The following ROBO1 variants were observed in gnomAD, a reference collection of about 807,000 sequenced individuals.
ROBO1 encodes the protein roundabout homolog 1.
ROBO1 carries 149 observed loss-of-function variants against 195.9 expected under a neutral mutation model. That is an observed-to-expected ratio of 0.76 (90% CI 0.67 to 0.87). The LOEUF (loss-of-function observed/expected upper bound fraction) is 0.87. ROBO1 is among the 40% of genes least tolerant of loss of function. ROBO1 has a pLI of 0.00. For missense variants in ROBO1, 1,933 were observed against 2,068.3 expected, an observed-to-expected ratio of 0.93 and a Z score of 1.27; for synonymous variants, 816 against 733.2, an observed-to-expected ratio of 1.11 and a Z score of -1.82.
chr3:79,654,782 T>C (rs1946111747), intron 1 of ROBO1, among the ~76,000 whole-genome samples: 1 of 152,026 alleles, frequency 6.6e-6, no homozygotes, highest in Non-Finnish European at 1.5e-5. Flanking sequence ...CTCTCTATTA[T>C]CATTTTGATT....
chr3:78,684,593 T>C (rs938238475), intron 10 of ROBO1, among the ~76,000 whole-genome samples: 1 of 152,068 alleles, frequency 6.6e-6, no homozygotes, highest in Non-Finnish European at 1.5e-5. Context: ...GAAAATGTAA[T>C]TTGGGGAGAA....
chr3:79,348,224 A>T (rs578241768), intron 2 of ROBO1, among the ~76,000 whole-genome samples: 16 of 151,848 alleles, frequency 1.1e-4, no homozygotes, highest in Non-Finnish European at 1.8e-4. Flanking sequence ...AAAAAAAAAA[A>T]AAAAAAGTGA....
intron 2 of ROBO1, among the ~76,000 whole-genome samples, chr3:79,359,705 T>C (rs2035689618): frequency 1.3e-5 from 2 of 152,062 alleles, no homozygotes; most frequent in Non-Finnish European, 2.9e-5. Flanking sequence ...CTGTCCATTT[T>C]ATTAATCTGA....
chr3:79,706,641 T>G (rs1560117232), intron 1 of ROBO1, among the ~76,000 whole-genome samples: 1 of 152,034 alleles, frequency 6.6e-6, no homozygotes, highest in Non-Finnish European at 1.5e-5. Flanking sequence ...AAGTCTCATG[T>G]GATCTGATGG....
intron 3 of ROBO1, among the ~76,000 whole-genome samples, chr3:79,095,439 A>G (rs1168465299): frequency 6.6e-6 from 1 of 151,984 alleles, no homozygotes; most frequent in Non-Finnish European, 1.5e-5. Flanking sequence ...TCCATGTTTC[A>G]AAAAACTGAG....
At chr3:79,342,847 T>C (rs2034962800) in intron 2 of ROBO1, among the ~76,000 whole-genome samples, 1 of 152,188 alleles carries the variant, frequency 6.6e-6, no homozygotes, top group Non-Finnish European at 1.5e-5. Flanking sequence ...TGAACCTACA[T>C]TGCACATCGT....
chr3:79,402,805 A>C (rs2106794286), intron 2 of ROBO1, among the ~76,000 whole-genome samples: 1 of 152,086 alleles, frequency 6.6e-6, no homozygotes, highest in East Asian at 1.9e-4. Flanking sequence ...CTCCAAAATT[A>C]GATTTGGGGT....
intron 2 of ROBO1, among the ~76,000 whole-genome samples, chr3:79,432,431 CCAAA>C (rs1397807106): frequency 6.6e-6 from 1 of 151,968 alleles, no homozygotes; most frequent in Non-Finnish European, 1.5e-5. Context: ...AATTTCAAAC[CCAAA>C]CAAAGATCAA....
intron 2 of ROBO1, among the ~76,000 whole-genome samples, chr3:79,209,006 TTTTTTA>T (rs1559736584): frequency 6.6e-6 from 1 of 152,150 alleles, no homozygotes. Context: ...TTTACAATTA[TTTTTTA>T]TTTTATTTCA....
intron 3 of ROBO1, chr3:79,018,464 T>A: frequency 6.2e-7 from 1 of 1,613,830 alleles, no homozygotes. Context: ...GCAATCATTG[T>A]CCTCGGGTGG....
At chr3:79,041,205 C>A (rs2078482236) in intron 3 of ROBO1, among the ~76,000 whole-genome samples, 1 of 152,144 alleles carries the variant, frequency 6.6e-6, no homozygotes, top group Non-Finnish European at 1.5e-5. Context: ...CTTATACTTT[C>A]ATTTATATAG....
At chr3:78,955,809 C>G (rs1293896785) in intron 3 of ROBO1, among the ~76,000 whole-genome samples, 1 of 152,036 alleles carries the variant, frequency 6.6e-6, no homozygotes, top group Non-Finnish European at 1.5e-5. Context: ...TTAAAATAAC[C>G]TTTTAAAGGA....
intron 4 of ROBO1, among the ~76,000 whole-genome samples, chr3:78,909,850 G>A (rs1452197105): frequency 6.6e-6 from 1 of 151,590 alleles, no homozygotes; most frequent in Non-Finnish European, 1.5e-5. Context: ...CAACTGAAAT[G>A]ATATAAAAGA....
chr3:79,173,096 T>A (rs969920313), intron 2 of ROBO1, among the ~76,000 whole-genome samples: 1 of 152,112 alleles, frequency 6.6e-6, no homozygotes, highest in African/African-American at 2.4e-5. Flanking sequence ...ATGGGTTCAA[T>A]GGTCACAAAT....
At chr3:79,125,352 C>A (rs1033455597) in intron 3 of ROBO1, 104 bp downstream of exon 3, 4 of 899,490 alleles carry the variant, frequency 4.4e-6, no homozygotes, top group African/African-American at 3.3e-5. Flanking sequence ...TGGTTGTTAG[C>A]TGGAAGCAGG....
At chr3:78,872,655 C>T (rs1313597613) in intron 4 of ROBO1, among the ~76,000 whole-genome samples, 1 of 152,068 alleles carries the variant, frequency 6.6e-6, no homozygotes, top group South Asian at 2.1e-4. Context: ...AAATTAAATA[C>T]AAAGTGTCAG....
In ROBO1 at chr3:79,299,922, T is replaced by C. The variant is rs542611806; in HGVS notation, c.89-174383A>G. Among the ~76,000 whole-genome samples, 7 of 151,882 alleles carry C rather than the reference T, an allele frequency of 4.6e-5. No individual in the cohort carries two copies. In the South Asian group the frequency reaches 1.5e-3, roughly 32 times the overall value. On this transcript the variant is annotated intron_variant, in intron 2 of 30. Coordinates refer to ENST00000464233, the MANE Select transcript of ROBO1 (RefSeq NM_002941.4). ...ATTCAAACTTTCAGAATATTAACGATATAAAAAAGGAAATAGAATCAAAGT... is the reference window on the plus strand; with the variant it reads ...ATTCAAACTTTCAGAATATTAACGACATAAAAAAGGAAATAGAATCAAAGT...
At chr3:79,603,382 A>G (rs1390889362) in intron 1 of ROBO1, among the ~76,000 whole-genome samples, 1 of 151,892 alleles carries the variant, frequency 6.6e-6, no homozygotes, top group African/African-American at 2.4e-5. Context: ...CTCTTGACAC[A>G]ACAATACCCC....
chr3:79,154,594 C>A (rs999341395), intron 2 of ROBO1, among the ~76,000 whole-genome samples: 1 of 151,632 alleles, frequency 6.6e-6, no homozygotes, highest in Non-Finnish European at 1.5e-5. Context: ...TACTGTCCCT[C>A]GATGCAGATA....
Sources: gnomAD v4.1 joint callset for allele counts (sites outside exome capture counted in the v4.1 genomes callset) on GRCh38, gnomAD v4.1.1 for gene constraint, MANE v1.5 for transcripts, NCBI Gene and HGNC (gene_info 2026-07-23, HGNC 2026-07-21) for gene names.